The following GLS2 variants were observed in gnomAD, a reference collection of about 807,000 sequenced individuals.
GLS2 encodes glutaminase liver isoform, mitochondrial.
Under a neutral mutation model 79.0 loss-of-function variants are expected in GLS2, and 52 were observed. The ratio of observed to expected loss-of-function variants is 0.66; its 90% confidence interval spans 0.53 to 0.83. GLS2 has a LOEUF of 0.83. GLS2 is among the 40% of genes least tolerant of loss of function. The pLI is 0.00. For synonymous variants in GLS2, 238 were observed against 280.8 expected (o/e 0.85, Z 1.52); for missense variants, 561 against 764.8 (o/e 0.73, Z 3.14).
chr12:56,473,923 T>G, intron 12 of GLS2: 1 of 216,240 alleles, frequency 4.6e-6, no homozygotes. Context: ...TTGTGATAAA[T>G]AGTGAGAAGT....
chr12:56,479,613 A>G (rs1335388213), intron 3 of GLS2, 167 bp downstream of exon 3: 13 of 776,404 alleles, frequency 1.7e-5, no homozygotes, highest in Non-Finnish European at 1.9e-5. Context: ...ATGTATTTCT[A>G]TATTGTTTGA....
chr12:56,473,424 G>A (rs1565701627), intron 13 of GLS2, 39 bp downstream of exon 13: 1 of 1,603,470 alleles, frequency 6.2e-7, no homozygotes, highest in Non-Finnish European at 8.5e-7. Context: ...CAAATTTATT[G>A]CTTCAAAAAT....
chr12:56,475,765 C>T, intron 8 of GLS2, 83 bp from the exon 9 acceptor site: 2 of 1,504,904 alleles, frequency 1.3e-6, no homozygotes, highest in African/African-American at 1.4e-5. Context: ...CCCTTCTGAA[C>T]TCAGGTCTTG....
At chr12:56,482,462 G>C (rs181377291) in intron 1 of GLS2, among the ~76,000 whole-genome samples, 51 of 152,208 alleles carry the variant, frequency 3.4e-4, no homozygotes, top group African/African-American at 1.0e-3. Flanking sequence ...CTCTGTAAAG[G>C]CTTCCCCAAA....
At chr12:56,478,436 GC>G (rs2136188282) in intron 4 of GLS2, 174 bp from the exon 5 acceptor site, 1 of 631,962 alleles carries the variant, frequency 1.6e-6, no homozygotes, top group East Asian at 2.8e-5. Flanking sequence ...GTCCTAGAAG[GC>G]CATATCTTTG....
chr12:56,475,382 G>GA, intron 9 of GLS2: 1 of 828,078 alleles, frequency 1.2e-6, no homozygotes, highest in South Asian at 1.8e-5. Context: ...GTCTTGGCAA[G>GA]AAAGGGCTTA....
chr12:56,471,948 A>G, intron 16 of GLS2, 112 bp from the exon 17 acceptor site: 2 of 1,321,874 alleles, frequency 1.5e-6, no homozygotes, highest in Non-Finnish European at 2.2e-6. Context: ...GCCTCTTCCC[A>G]TTTTGTACCC....
intron 1 of GLS2, among the ~76,000 whole-genome samples, chr12:56,487,166 G>A (rs1421462843): frequency 6.6e-6 from 1 of 152,280 alleles, no homozygotes; most frequent in Non-Finnish European, 1.5e-5. Context: ...GCTCAGCACC[G>A]TCTGGGTCTC....
Position 56,475,668 on chromosome 12 carries a change from G to C in GLS2, c.885C>G (p.Leu295=). 2 of 1,614,150 alleles carry C rather than the reference G, an allele frequency of 1.2e-6. No homozygotes were observed. The highest frequency in any genetic ancestry group is 8.5e-7 in the Non-Finnish European group (1 of 1,180,024). ...AEKFDFVLQY[L]NKMAGNEYMG... ...TGTATTCATTCCCAGCCATTTTGTT[G>C]AGATACTGCAACACCTGGAAGAGAA... The change falls in exon 9 of 18, where the codon CTC becomes CTG. Residue 295 remains leucine, a synonymous_variant. Coordinates refer to ENST00000311966, the MANE Select transcript of GLS2 (RefSeq NM_013267.4).
At chr12:56,471,873 G>C in intron 16 of GLS2, 37 bp from the exon 17 acceptor site, 1 of 1,600,602 alleles carries the variant, frequency 6.2e-7, no homozygotes, top group Non-Finnish European at 8.6e-7. Context: ...AGAAGGCGCA[G>C]GTCTTGAACC....
At chr12:56,476,197 TTGTCACCC>T (rs1869800140) in intron 7 of GLS2, 3 of 101,966 alleles carry the variant, frequency 2.9e-5, no homozygotes, top group Non-Finnish European at 5.3e-5. Flanking sequence ...TTTGTCACCC[TTGTCACCC>T]AGGCTGGAGT....
At chr12:56,474,312 C>G (rs962059060) in intron 12 of GLS2, 26 of 533,340 alleles carry the variant, frequency 4.9e-5, no homozygotes, top group South Asian at 2.0e-5. Flanking sequence ...TGGTCTCGAA[C>G]TCCTGACCTC....
intron 1 of GLS2, among the ~76,000 whole-genome samples, chr12:56,483,507 C>G (rs1046520619): frequency 6.6e-6 from 1 of 152,044 alleles, no homozygotes; most frequent in Non-Finnish European, 1.5e-5. Context: ...GGGGTGTGCT[C>G]TAAGAATTGA....
At position 56,479,164 on chromosome 12, in the gene GLS2, A is replaced by G. The variant is rs960261492; in HGVS notation, c.422T>C (p.Ile141Thr). 3.1e-6 allele frequency: 5 copies of G among 1,613,844 alleles called. No homozygotes were observed. Among genetic ancestry groups the G allele is most frequent in the Non-Finnish European group, 4.2e-6 (5 of 1,179,996 alleles). The stretch of plus-strand genomic sequence containing the variant: ...TCGGAATGCCTGGGTCAGGAGCACA[A>G]TGTTGCTGCTCACACACCTGGATCC... ...DLFRKCVSSN[I>T]VLLTQAFRKK... The change falls in exon 4 of 18, where the codon ATT becomes ACT. Residue 141 changes from isoleucine (I) to threonine (T), a missense_variant. Physicochemically the swap from Ile to Thr is moderately conservative, Grantham distance 89. Transcript: ENST00000311966.
In GLS2 at chr12:56,472,678, CA is replaced by C. The variant is rs1565700959; in HGVS notation, c.1511+11del. Reference sequence around the variant, plus strand: ...GTATTTTATTGTGTATATTTGGTCACAGTAGCATTACCTTCGAAGAGCTGAG... The same window carrying C: ...GTATTTTATTGTGTATATTTGGTCACGTAGCATTACCTTCGAAGAGCTGAG... On this transcript the variant is annotated intron_variant, in intron 15 of 17. Transcript: ENST00000311966. The C allele has an allele frequency of 6.2e-7, 1 of 1,612,448 alleles. No homozygotes were observed. Among genetic ancestry groups the C allele is most frequent in the East Asian group, 2.2e-5 (1 of 44,854 alleles).
rs761352236 is a variant in GLS2 at position 56,481,953 on chromosome 12, G to A, written c.183-1566C>T. ...GCTCTTTAAAACCTGCCAATTGGCC[G>A]GGCATGGTGGTTCACACCTGTAATC... On this transcript the variant is annotated intron_variant, in intron 1 of 17. Transcript: ENST00000311966. Among the ~76,000 whole-genome samples, 31 of 151,446 alleles carry A rather than the reference G, an allele frequency of 2.0e-4. 1 individual carries two copies. Among genetic ancestry groups the A allele is most frequent in the African/African-American group, 4.4e-4 (18 of 40,992 alleles).
At chr12:56,473,392 T>C in intron 13 of GLS2, 71 bp downstream of exon 13, 1 of 1,605,412 alleles carries the variant, frequency 6.2e-7, no homozygotes. Flanking sequence ...TGCTTTATTA[T>C]AGTAAAAGTG....
Position 56,473,484 on chromosome 12 carries a change from A to G in GLS2, c.1335T>C (p.His445=), listed in dbSNP as rs781569016. ...TCACCTGGCAGAAGCTGGTCCCCCTATGGCTGTTCCCCAGCTTGTCCAATG... is the reference window on the plus strand; with the variant it reads ...TCACCTGGCAGAAGCTGGTCCCCCTGTGGCTGTTCCCCAGCTTGTCCAATG... ...SPPLDKLGNS[H]RGTSFCQKLV... The change falls in exon 13 of 18, where the codon CAT becomes CAC. Residue 445 remains histidine (H), a synonymous_variant. Transcript: ENST00000311966. 2.5e-6 allele frequency: 4 copies of G among 1,613,978 alleles called. No homozygotes were observed. Among genetic ancestry groups the G allele is most frequent in the Non-Finnish European group, 3.4e-6 (4 of 1,179,928 alleles).
intron 4 of GLS2, 68 bp from the exon 5 acceptor site, chr12:56,478,330 T>A: frequency 6.6e-7 from 1 of 1,514,730 alleles, no homozygotes; most frequent in Non-Finnish European, 9.1e-7. Context: ...AGGTTGAGGG[T>A]CAAGAGAATC....
Sources: allele counts gnomAD v4.1 joint callset (sites outside exome capture counted in the v4.1 genomes callset), GRCh38; gene constraint gnomAD v4.1.1; transcripts MANE v1.5; gene names NCBI Gene and HGNC (gene_info 2026-07-23, HGNC 2026-07-21).